ADGRB3: variants seen among roughly 807,000 people sequenced by gnomAD.
ADGRB3 encodes the protein brain-specific angiogenesis inhibitor 3.
Under a neutral mutation model 193.4 loss-of-function variants are expected in ADGRB3, and 37 were observed. That is an observed-to-expected ratio of 0.19 (90% CI 0.15 to 0.25). The LOEUF is 0.25. Among genes scored for constraint, ADGRB3 ranks in the 10% least tolerant of loss-of-function variants. The pLI is 1.00. For synonymous variants in ADGRB3, 690 were observed against 644.2 expected, an observed-to-expected ratio of 1.07 and a Z score of -1.08; for missense variants, 1,637 against 1,852.9, an observed-to-expected ratio of 0.88 and a Z score of 2.14.
chr6:69,112,852 G>A (rs1447413896), intron 17 of ADGRB3, among the ~76,000 whole-genome samples: 1 of 152,034 alleles, frequency 6.6e-6, no homozygotes, highest in Non-Finnish European at 1.5e-5. Flanking sequence ...CCGCCTCCAA[G>A]GTTAAAGCGA....
At chr6:68,652,326 C>T (rs962427426) in intron 3 of ADGRB3, among the ~76,000 whole-genome samples, 4 of 152,122 alleles carry the variant, frequency 2.6e-5, no homozygotes, top group East Asian at 1.9e-4. Flanking sequence ...GTGAGACTCC[C>T]GCTTTCCCAC....
At chr6:69,153,978 G>A (rs1376243374) in intron 17 of ADGRB3, among the ~76,000 whole-genome samples, 5 of 152,084 alleles carry the variant, frequency 3.3e-5, no homozygotes, top group Non-Finnish European at 5.9e-5. Context: ...GGGCGACAGA[G>A]TGAGACTCTG....
At chr6:69,007,096 G>T (rs1769781523) in intron 11 of ADGRB3, among the ~76,000 whole-genome samples, 1 of 152,032 alleles carries the variant, frequency 6.6e-6, no homozygotes, top group South Asian at 2.1e-4. Flanking sequence ...TCTCAACACT[G>T]CTGCTTCTTA....
intron 17 of ADGRB3, among the ~76,000 whole-genome samples, chr6:69,213,729 A>G (rs890864199): frequency 2.0e-5 from 3 of 152,186 alleles, no homozygotes; most frequent in Non-Finnish European, 4.4e-5. Context: ...ACATGTTCAA[A>G]TGCCACCTTA....
chr6:69,336,790 G>A (rs183917058), intron 24 of ADGRB3, among the ~76,000 whole-genome samples: 14 of 152,056 alleles, frequency 9.2e-5, no homozygotes, highest in Non-Finnish European at 1.8e-4. Context: ...TTTCAATGCA[G>A]CAACTCAATT....
intron 3 of ADGRB3, among the ~76,000 whole-genome samples, chr6:68,828,825 C>A (rs183460880): frequency 7.2e-5 from 11 of 152,160 alleles, no homozygotes; most frequent in Admixed American, 6.5e-4. Context: ...ATCATATAGA[C>A]CTTAATTCCA....
intron 17 of ADGRB3, among the ~76,000 whole-genome samples, chr6:69,190,249 C>G (rs957245544): frequency 2.0e-4 from 30 of 151,944 alleles, no homozygotes; most frequent in African/African-American, 5.8e-4. Context: ...CAGCTGTAAG[C>G]GTGTTATTGT....
At chr6:69,263,391 G>A (rs141352944) in intron 20 of ADGRB3, among the ~76,000 whole-genome samples, 8 of 151,940 alleles carry the variant, frequency 5.3e-5, no homozygotes, top group Non-Finnish European at 7.4e-5. Flanking sequence ...AGATATTTTC[G>A]CATGATGGCA....
chr6:69,101,443 TG>T, intron 17 of ADGRB3, among the ~76,000 whole-genome samples: 1 of 151,546 alleles, frequency 6.6e-6, no homozygotes, highest in Admixed American at 6.6e-5. Flanking sequence ...CGTGTGTGTG[TG>T]TGTGTGTGTG....
chr6:68,714,869 CTGAGATTAAGTTACAGA>C (rs1237601447), intron 3 of ADGRB3, among the ~76,000 whole-genome samples: 2 of 151,516 alleles, frequency 1.3e-5, no homozygotes, highest in East Asian at 3.9e-4. Context: ...ATTAAGTTCT[CTGAGATTAAGTTACAGA>C]TGAGATTAAG....
rs950489793 is a variant in ADGRB3, at chr6:68,670,952, T to G, written c.757+31520T>G. Among the ~76,000 whole-genome samples, 46 of 151,986 alleles carry G rather than the reference T, an allele frequency of 3.0e-4. 1 individual carries two copies. The highest frequency in any genetic ancestry group is 2.0e-4 in the Admixed American group (3 of 15,222). On this transcript the variant is annotated intron_variant, in intron 3 of 31. Transcript: ENST00000370598. ...AATTTCTTTCATCAATATTTTATAG[T>G]TTTTTTATGGAGATCTTTCACTTCC...
intron 17 of ADGRB3, among the ~76,000 whole-genome samples, chr6:69,098,367 G>A (rs1772943913): frequency 6.6e-6 from 1 of 152,144 alleles, no homozygotes; most frequent in African/African-American, 2.4e-5. Flanking sequence ...AACTTATTAT[G>A]TATTAACTTG....
chr6:69,061,989 G>GA (rs1771763862), intron 15 of ADGRB3, among the ~76,000 whole-genome samples: 1 of 151,760 alleles, frequency 6.6e-6, no homozygotes, highest in Non-Finnish European at 1.5e-5. Context: ...CAAAAAAGGA[G>GA]AAAAAAATTA....
chr6:69,336,443 C>A (rs1377523952), intron 24 of ADGRB3, among the ~76,000 whole-genome samples: 1 of 151,138 alleles, frequency 6.6e-6, no homozygotes, highest in Non-Finnish European at 1.5e-5. Flanking sequence ...TGGCGCATTT[C>A]CTTTCCAGGG....
chr6:69,223,290 A>G (rs1173140109), intron 17 of ADGRB3, among the ~76,000 whole-genome samples: 1 of 152,170 alleles, frequency 6.6e-6, no homozygotes, highest in Admixed American at 6.6e-5. Flanking sequence ...GTTTTTTGAA[A>G]CTAAAGACTC....
intron 3 of ADGRB3, among the ~76,000 whole-genome samples, chr6:68,772,398 G>A (rs1582187910): frequency 6.6e-6 from 1 of 152,094 alleles, no homozygotes; most frequent in Non-Finnish European, 1.5e-5. Flanking sequence ...GTATTCATAG[G>A]ACTCTGCTTG....
chr6:68,936,754 T>A lies in ADGRB3; in HGVS notation c.1030+74T>A, dbSNP rs1767496085. On this transcript the variant is annotated intron_variant, in intron 5 of 31. Transcript: ENST00000370598. ...GCTACGCATTTGGAACGATTTGTTATTTTCATATGAAACGGGTATAGGCAT... is the reference window on the plus strand; with the variant it reads ...GCTACGCATTTGGAACGATTTGTTAATTTCATATGAAACGGGTATAGGCAT... The A allele has an allele frequency of 4.7e-6, 7 of 1,482,246 alleles. No individual in the cohort carries two copies. In the South Asian group the frequency reaches 9.2e-5, roughly 19 times the overall value. The allele number at this position is 1,482,246 out of a possible 1,614,324, so 91.8% of individuals were successfully genotyped here. A position where few individuals can be genotyped will look rare whatever the true frequency, so the allele number is the denominator to read the frequency against.
At position 69,097,158 on chromosome 6, in the gene ADGRB3, G is replaced by A. The variant is rs370600330; in HGVS notation, c.2480+21120G>A. 1.8e-3 allele frequency among the ~76,000 whole-genome samples: 269 copies of A among 152,290 alleles called. 2 individuals carry two copies. The South Asian group carries it at 0.019, about 11-fold the overall frequency. On this transcript the variant is annotated intron_variant, in intron 17 of 31. Coordinates refer to ENST00000370598, the MANE Select transcript of ADGRB3 (RefSeq NM_001704.3). ...AATGTTCAATAATATTTAAAGAAAG[G>A]TCGTGTTGATGCCACTTATCACATC...
intron 19 of ADGRB3, among the ~76,000 whole-genome samples, chr6:69,237,059 A>G (rs994836787): frequency 1.3e-5 from 2 of 152,058 alleles, no homozygotes; most frequent in South Asian, 4.1e-4. Flanking sequence ...ATGATGAATT[A>G]AATGCAGTTT....
Sources: allele counts gnomAD v4.1 joint callset (sites outside exome capture counted in the v4.1 genomes callset), GRCh38; gene constraint gnomAD v4.1.1; transcripts MANE v1.5; gene names NCBI Gene and HGNC (gene_info 2026-07-23, HGNC 2026-07-21).